The following TENT5B variants were observed in gnomAD, a reference collection of about 807,000 sequenced individuals.
TENT5B encodes the protein terminal nucleotidyltransferase 5B.
A neutral mutation model predicts 21.7 loss-of-function variants in TENT5B; 12 were observed. That is an observed-to-expected ratio of 0.55 (90% CI 0.36 to 0.90). The LOEUF (loss-of-function observed/expected upper bound fraction) is 0.90. TENT5B is among the 40% of genes least tolerant of loss of function. The pLI is 0.01. For synonymous variants in TENT5B, 262 were observed against 266.6 expected (o/e 0.98, Z 0.17); for missense variants, 540 against 601.5 (o/e 0.90, Z 1.07).
intron 1 of TENT5B, among the ~76,000 whole-genome samples, chr1:27,011,642 G>C (rs985138433): frequency 6.6e-6 from 1 of 152,196 alleles, no homozygotes; most frequent in African/African-American, 2.4e-5. Flanking sequence ...GGGTCGTTGA[G>C]GTTCAGATAA....
In TENT5B at chr1:27,012,770, A is replaced by T; in HGVS notation, c.-100T>A. On this transcript the variant is annotated 5_prime_UTR_variant, in exon 1 of 2. Transcript: ENST00000289166. ...GCAGGGGCCAAGGCGGGGGGCACGAAGGCAGGGACGGGGCGGCAACGACGG... is the reference window on the plus strand; with the variant it reads ...GCAGGGGCCAAGGCGGGGGGCACGATGGCAGGGACGGGGCGGCAACGACGG... 2.3e-6 allele frequency: 3 copies of T among 1,301,642 alleles called. No individual in the cohort carries two copies. Among genetic ancestry groups the T allele is most frequent in the East Asian group, 3.1e-5 (1 of 31,830 alleles). 80.6% of individuals were successfully genotyped at this position (1,301,642 alleles called of 1,614,324 possible).
At chr1:27,009,704 C>G (rs1488243041) in intron 1 of TENT5B, among the ~76,000 whole-genome samples, 1 of 152,262 alleles carries the variant, frequency 6.6e-6, no homozygotes, top group Non-Finnish European at 1.5e-5. Flanking sequence ...CTGAGCCTTA[C>G]TCAGTGCCAG....
At chr1:27,012,009 G>A (rs1308791578) in intron 1 of TENT5B, among the ~76,000 whole-genome samples, 3 of 152,172 alleles carry the variant, frequency 2.0e-5, no homozygotes, top group African/African-American at 4.8e-5. Flanking sequence ...GTGAGGTCCA[G>A]GGATGCCCAG....
In TENT5B at chr1:27,006,492, T is replaced by C. The variant is rs201547088; in HGVS notation, c.730A>G (p.Thr244Ala). The C allele has an allele frequency of 4.5e-4, 723 of 1,613,852 alleles. No homozygotes were observed. The highest frequency in any genetic ancestry group is 2.0e-4 in the Non-Finnish European group (231 of 1,179,996). Reference protein sequence around the residue: ...STPMSEAFHPTVTGESLYGDF... With the variant: ...STPMSEAFHPAVTGESLYGDF... Reference sequence around the variant, plus strand: ...CCGTACAGGCTTTCGCCTGTGACCGTTGGGTGGAAGGCCTCAGACATGGGA... The same window carrying C: ...CCGTACAGGCTTTCGCCTGTGACCGCTGGGTGGAAGGCCTCAGACATGGGA... Residue 244 changes from threonine to alanine, a missense_variant, in exon 2 of 2, where the codon ACG becomes GCG. Physicochemically the swap from Thr to Ala is moderately conservative, Grantham distance 58. Coordinates refer to ENST00000289166, the MANE Select transcript of TENT5B (RefSeq NM_052943.4). This position sits in a 1 kb window ranked among gnomAD's most constrained non-coding sequence, Gnocchi z 9.4.
At position 27,006,004 on chromosome 1, in the gene TENT5B, G is replaced by A. The variant is rs757648541; in HGVS notation, c.1218C>T (p.Tyr406=). The part of the protein sequence containing the change: ...DGVVPATVNY[Y]VTPVQPLLAH... ...CCAGGAGAGGTTGCACGGGGGTCAC[G>A]TAGTAATTGACAGTGGCTGGCACAA... The change falls in exon 2 of 2, where the codon TAC becomes TAT. Residue 406 remains tyrosine (Y), a synonymous_variant. Transcript: ENST00000289166. This position sits in a 1 kb window ranked among gnomAD's most constrained non-coding sequence, Gnocchi z 9.4. 7.5e-6 allele frequency: 12 copies of A among 1,605,106 alleles called. No individual in the cohort carries two copies. In the East Asian group the frequency reaches 8.9e-5, roughly 12 times the overall value.
In TENT5B at chr1:27,005,978, G is replaced by C. The variant is rs143580706; in HGVS notation, c.1244C>G (p.Ala415Gly). ...YYVTPVQPLL[A>G]HAYPTWLPCN The stretch of plus-strand genomic sequence containing the variant: ...AGGCAGCCAGGTGGGATAGGCGTGA[G>C]CCAGGAGAGGTTGCACGGGGGTCAC... The change falls in exon 2 of 2, where the codon GCT (alanine) becomes GGT (glycine). Residue 415 changes from alanine to glycine, a missense_variant. Transcript: ENST00000289166. 11 of 1,586,702 alleles carry C rather than the reference G, an allele frequency of 6.9e-6. No homozygotes were observed. In the African/African-American group the frequency reaches 1.3e-4, roughly 19 times the overall value.
intron 1 of TENT5B, among the ~76,000 whole-genome samples, chr1:27,011,220 GT>G (rs780074754): frequency 2.0e-5 from 3 of 152,206 alleles, no homozygotes; most frequent in Non-Finnish European, 4.4e-5. Context: ...GCCCCCTCCA[GT>G]TCCTAGTTCC....
chr1:27,012,621 T>G lies in TENT5B; in HGVS notation c.50A>C (p.Gln17Pro), dbSNP rs2082629929. 4 of 1,517,864 alleles carry G rather than the reference T, an allele frequency of 2.6e-6. No homozygotes were observed. Among genetic ancestry groups the G allele is most frequent in the Middle Eastern group, 4.6e-4 (2 of 4,332 alleles). 94.0% of individuals were successfully genotyped at this position (1,517,864 alleles called of 1,614,324 possible). The change falls in exon 1 of 2, where the codon CAG becomes CCG. Residue 17 changes from glutamine (Q) to proline (P), a missense_variant. Gln to Pro is a moderately conservative substitution (Grantham distance 76). Coordinates refer to ENST00000289166, the MANE Select transcript of TENT5B (RefSeq NM_052943.4). ...GAERRDRAAAQVGTAAATAVA... is the reference protein window; with the variant it reads ...GAERRDRAAAPVGTAAATAVA... Reference sequence around the variant, plus strand: ...CGCCGTGGCCGCAGCCGTCCCCACCTGAGCAGCCGCCCGGTCCCTGCGCTC... The same window carrying G: ...CGCCGTGGCCGCAGCCGTCCCCACCGGAGCAGCCGCCCGGTCCCTGCGCTC...
chr1:27,006,118 G>C lies in TENT5B; in HGVS notation c.1104C>G (p.Leu368=). Residue 368 remains leucine (L), a synonymous_variant, in exon 2 of 2, where the codon CTC becomes CTG. Coordinates refer to ENST00000289166, the MANE Select transcript of TENT5B (RefSeq NM_052943.4). The surrounding 1 kb of genome is among the most constrained non-coding windows in gnomAD (Gnocchi z 9.4). ...MNHERRQTLD[L]IAALALQALA... ...GTGCCTGCAGCGCCAGTGCGGCAAT[G>C]AGGTCCAGCGTCTGGCGGCGCTCGT... is the stretch of plus-strand genomic sequence containing the variant. 1 of 1,608,200 alleles carries C rather than the reference G, an allele frequency of 6.2e-7. No homozygotes were observed. The highest frequency in any genetic ancestry group is 8.5e-7 in the Non-Finnish European group (1 of 1,176,340).
At position 27,012,530 on chromosome 1, in the gene TENT5B, C is replaced by A; in HGVS notation, c.141G>T (p.Arg47=). The change falls in exon 1 of 2, where the codon CGG becomes CGT. Residue 47 remains arginine, a synonymous_variant. Coordinates refer to ENST00000289166, the MANE Select transcript of TENT5B (RefSeq NM_052943.4). ...DPEALSAFPG[R]HLSGLSWPQV... ...GTGGCCAGCTCAGCCCACTCAGGTGCCGTCCGGGGAAGGCCGATAAGGCCT... is the reference window on the plus strand; with the variant it reads ...GTGGCCAGCTCAGCCCACTCAGGTGACGTCCGGGGAAGGCCGATAAGGCCT... 1 of 1,603,870 alleles carries A rather than the reference C, an allele frequency of 6.2e-7. No homozygotes were observed. Among genetic ancestry groups the A allele is most frequent in the Non-Finnish European group, 8.5e-7 (1 of 1,178,794 alleles).
chr1:27,006,132 G>A lies in TENT5B; in HGVS notation c.1090C>T (p.Gln364Ter). 1.2e-6 allele frequency: 2 copies of A among 1,608,026 alleles called. No homozygotes were observed. The highest frequency in any genetic ancestry group is 8.5e-7 in the Non-Finnish European group (1 of 1,176,352). ...TVCLMNHERR[Q>*]TLDLIAALAL... The stretch of plus-strand genomic sequence containing the variant: ...AGTGCGGCAATGAGGTCCAGCGTCT[G>A]GCGGCGCTCGTGGTTCATGAGGCAC... Residue 364 changes from glutamine to a stop codon, truncating the protein, a stop_gained, in exon 2 of 2, where the codon CAG (glutamine) becomes TAG (stop). Coordinates refer to ENST00000289166, the MANE Select transcript of TENT5B (RefSeq NM_052943.4). LOFTEE classifies it high-confidence loss of function. The surrounding 1 kb of genome is among the most constrained non-coding windows in gnomAD (Gnocchi z 9.4).
intron 1 of TENT5B, among the ~76,000 whole-genome samples, chr1:27,010,074 T>A (rs960831831): frequency 6.6e-6 from 1 of 152,204 alleles, no homozygotes; most frequent in Non-Finnish European, 1.5e-5. Context: ...CCAGCAGGCT[T>A]ACAAAACTCA....
At chr1:27,007,620 G>C (rs1161907972) in intron 1 of TENT5B, among the ~76,000 whole-genome samples, 1 of 151,536 alleles carries the variant, frequency 6.6e-6, no homozygotes, top group African/African-American at 2.4e-5. Flanking sequence ...TTTAACTCCT[G>C]ACCTCGTGAT....
Position 27,012,404 on chromosome 1 carries a change from C to A in TENT5B, c.264+3G>T. The A allele has an allele frequency of 1.2e-6, 2 of 1,611,760 alleles. No homozygotes were observed. Among genetic ancestry groups the A allele is most frequent in the Non-Finnish European group, 1.7e-6 (2 of 1,179,440 alleles). ...CCACATCCCCCGCCTGGCGTCCTCT[C>A]ACCTGCACGATCTGCCGGGGCTGCA... On this transcript the variant is annotated splice_donor_region_variant and intron_variant, in intron 1 of 1. Coordinates refer to ENST00000289166, the MANE Select transcript of TENT5B (RefSeq NM_052943.4).
rs2082602386 is a variant in TENT5B, at chr1:27,006,835, C to G, written c.387G>C (p.Val129=). ...SGLGYKDLDL[V]FRVDLRSEAS... is the part of the protein sequence containing the mutation. ...CCTCACTGCGCAGGTCCACCCGGAA[C>G]ACCAGGTCCAGATCCTTGTAGCCCA... The change falls in exon 2 of 2, where the codon GTG becomes GTC. Residue 129 remains valine, a synonymous_variant. Transcript: ENST00000289166. This position sits in a 1 kb window ranked among gnomAD's most constrained non-coding sequence, Gnocchi z 9.4. 6.2e-7 allele frequency: 1 copy of G among 1,613,968 alleles called. No homozygotes were observed. The highest frequency in any genetic ancestry group is 1.3e-5 in the African/African-American group (1 of 74,920).
At chr1:27,008,906 C>G (rs56246979) in intron 1 of TENT5B, among the ~76,000 whole-genome samples, 1 of 124,908 alleles carries the variant, frequency 8.0e-6, no homozygotes, top group Non-Finnish European at 1.7e-5. Flanking sequence ...CAGGCCAAGT[C>G]TTTTTTTTTT....
chr1:27,008,020 CT>C (rs961889389), intron 1 of TENT5B, among the ~76,000 whole-genome samples: 1 of 152,096 alleles, frequency 6.6e-6, no homozygotes, highest in African/African-American at 2.4e-5. Context: ...AAATTATATA[CT>C]TTTTTTGCTC....
intron 1 of TENT5B, among the ~76,000 whole-genome samples, chr1:27,010,067 G>C (rs2082617078): frequency 6.6e-6 from 1 of 152,226 alleles, no homozygotes; most frequent in Non-Finnish European, 1.5e-5. Context: ...CCGTCAGCCA[G>C]CAGGCTTACA....
chr1:27,012,263 C>T, intron 1 of TENT5B, 144 bp downstream of exon 1: 4 of 1,316,530 alleles, frequency 3.0e-6, no homozygotes, highest in Non-Finnish European at 4.2e-6. Context: ...GTCTACCATT[C>T]ATAATGCTGT....
Sources: allele counts gnomAD v4.1 joint callset (sites outside exome capture counted in the v4.1 genomes callset), GRCh38; gene constraint gnomAD v4.1.1; non-coding constraint Gnocchi (gnomAD v3.1); transcripts MANE v1.5; gene names NCBI Gene and HGNC (gene_info 2026-07-23, HGNC 2026-07-21).